Variants in AUTS2 observed in about 807,000 individuals in gnomAD.
AUTS2 encodes autism susceptibility gene 2 protein.
In AUTS2, 17 loss-of-function variants were observed where a neutral mutation model predicts 112.4. That is an observed-to-expected ratio of 0.15 (90% CI 0.10 to 0.23). AUTS2 has a LOEUF of 0.23. Among genes scored for constraint, AUTS2 ranks in the 10% least tolerant of loss-of-function variants. The pLI is 1.00. For missense variants in AUTS2, 1,510 were observed against 1,701.6 expected, an observed-to-expected ratio of 0.89 and a Z score of 1.98; for synonymous variants, 751 against 702.7, an observed-to-expected ratio of 1.07 and a Z score of -1.09.
intron 4 of AUTS2, among the ~76,000 whole-genome samples, chr7:70,170,581 T>C (rs1000214167): frequency 6.6e-6 from 1 of 150,648 alleles, no homozygotes; most frequent in Admixed American, 6.6e-5. Flanking sequence ...TGGGATATAC[T>C]AGGGACACGT....
At chr7:70,462,970 AATC>A (rs1797028862) in intron 5 of AUTS2, among the ~76,000 whole-genome samples, 1 of 152,094 alleles carries the variant, frequency 6.6e-6, no homozygotes, top group Non-Finnish European at 1.5e-5. Flanking sequence ...AAAAAAAAAA[AATC>A]TGCTGGGGAG....
At chr7:69,984,385 C>T (rs1025924629) in intron 2 of AUTS2, among the ~76,000 whole-genome samples, 15 of 127,370 alleles carry the variant, frequency 1.2e-4, no homozygotes, top group African/African-American at 3.4e-4. Context: ...CCAGCCTGGG[C>T]GACAGAGTGA....
intron 5 of AUTS2, among the ~76,000 whole-genome samples, chr7:70,528,103 T>TTTA (rs776560807): frequency 0.032 from 3,469 of 109,678 alleles, 69 homozygotes; most frequent in African/African-American, 0.053. Flanking sequence ...ATTTTTTTTT[T>TTTA]TTTTTTTTTT....
At chr7:69,745,559 A>G (rs113891398) in intron 1 of AUTS2, among the ~76,000 whole-genome samples, 440 of 152,340 alleles carry the variant, frequency 2.9e-3, no homozygotes, top group Admixed American at 5.3e-3. Flanking sequence ...TCAAGTTTAC[A>G]GACATGATCT....
At chr7:70,773,434 A>G (rs1031399443) in intron 11 of AUTS2, among the ~76,000 whole-genome samples, 5 of 152,224 alleles carry the variant, frequency 3.3e-5, no homozygotes, top group African/African-American at 4.8e-5. Context: ...AATAGGTAAG[A>G]GCAAGCAGAA....
At chr7:70,055,724 G>C (rs934155076) in intron 2 of AUTS2, among the ~76,000 whole-genome samples, 1 of 152,130 alleles carries the variant, frequency 6.6e-6, no homozygotes, top group African/African-American at 2.4e-5. Context: ...GTATTAAGGT[G>C]GGTATTGTTA....
chr7:69,619,046 G>A (rs1793524476), intron 1 of AUTS2, among the ~76,000 whole-genome samples: 1 of 152,218 alleles, frequency 6.6e-6, no homozygotes, highest in African/African-American at 2.4e-5. Flanking sequence ...GGAGGGTTGT[G>A]TTTGGTTTTT....
chr7:70,691,154 T>C (rs1321162726), intron 5 of AUTS2, among the ~76,000 whole-genome samples: 1 of 152,216 alleles, frequency 6.6e-6, no homozygotes, highest in East Asian at 1.9e-4. Flanking sequence ...TTTGGGCATA[T>C]ATTAAAAATT....
intron 1 of AUTS2, among the ~76,000 whole-genome samples, chr7:69,788,091 C>T (rs944141343): frequency 6.6e-6 from 1 of 152,106 alleles, no homozygotes; most frequent in South Asian, 2.1e-4. Context: ...AGAAAAATAT[C>T]GTAAAAACCT....
At chr7:70,326,409 A>T (rs1790488615) in intron 4 of AUTS2, among the ~76,000 whole-genome samples, 1 of 152,146 alleles carries the variant, frequency 6.6e-6, no homozygotes, top group African/African-American at 2.4e-5. Context: ...ACACTTGCAC[A>T]TGCACACAGC....
At chr7:70,123,495 C>G (rs987087276) in intron 3 of AUTS2, among the ~76,000 whole-genome samples, 2 of 152,110 alleles carry the variant, frequency 1.3e-5, no homozygotes, top group Non-Finnish European at 1.5e-5. Flanking sequence ...TCCTCTCCCT[C>G]TTACCACCTT....
chr7:69,825,652 T>G (rs1341264769), intron 1 of AUTS2: 1 of 152,062 alleles, frequency 6.6e-6, no homozygotes, highest in Non-Finnish European at 1.5e-5. Flanking sequence ...TCCACTTCAC[T>G]TCTTTTGGAT....
chr7:70,686,679 C>T (rs1403836025), intron 5 of AUTS2, among the ~76,000 whole-genome samples: 1 of 151,816 alleles, frequency 6.6e-6, no homozygotes, highest in Non-Finnish European at 1.5e-5. Context: ...ATTATAGGCA[C>T]CTGCCACTAT....
At chr7:69,600,053 G>GCGGGCTGT (rs1554331874) in intron 1 of AUTS2, 91 bp downstream of exon 1, 4 of 1,259,502 alleles carry the variant, frequency 3.2e-6, no homozygotes, top group African/African-American at 3.1e-5. Context: ...CGCGCTCCGG[G>GCGGGCTGT]CTGTCTGTCT....
intron 5 of AUTS2, among the ~76,000 whole-genome samples, chr7:70,546,704 G>A (rs750260594): frequency 1.2e-4 from 18 of 151,872 alleles, no homozygotes; most frequent in Non-Finnish European, 2.2e-4. Flanking sequence ...GCATGAACCC[G>A]GGAGGTGGAG....
chr7:70,128,579 C>G (rs1204728781), intron 3 of AUTS2, among the ~76,000 whole-genome samples: 1 of 152,158 alleles, frequency 6.6e-6, no homozygotes, highest in Non-Finnish European at 1.5e-5. Flanking sequence ...GAGGCCCTAT[C>G]AGAAGCATGT....
At chr7:70,281,151 T>C (rs1317834678) in intron 4 of AUTS2, among the ~76,000 whole-genome samples, 1 of 152,216 alleles carries the variant, frequency 6.6e-6, no homozygotes, top group African/African-American at 2.4e-5. Context: ...TTTGGTGCAC[T>C]CAAGTAAAAG....
At chr7:70,723,015 C>CAGTA (rs1256516600) in intron 6 of AUTS2, among the ~76,000 whole-genome samples, 1 of 152,006 alleles carries the variant, frequency 6.6e-6, no homozygotes, top group Non-Finnish European at 1.5e-5. Context: ...TGATTAAAAC[C>CAGTA]AGTAATTTGG....
chr7:70,620,763 A>G (rs902681176), intron 5 of AUTS2, among the ~76,000 whole-genome samples: 1 of 152,036 alleles, frequency 6.6e-6, no homozygotes, highest in Non-Finnish European at 1.5e-5. Flanking sequence ...ACTGGGCTCC[A>G]TTTCTCCCTC....
Sources: gnomAD v4.1 joint callset for allele counts (sites outside exome capture counted in the v4.1 genomes callset) on GRCh38, gnomAD v4.1.1 for gene constraint, MANE v1.5 for transcripts, NCBI Gene and HGNC (gene_info 2026-07-23, HGNC 2026-07-21) for gene names.